The following LONP2 variants were observed in gnomAD, a reference collection of about 807,000 sequenced individuals.
LONP2 encodes lon peptidase 2, peroxisomal.
LONP2 carries 60 observed loss-of-function variants against 85.6 expected under a neutral mutation model. That is an observed-to-expected ratio of 0.70 (90% CI 0.57 to 0.87). LONP2 has a LOEUF of 0.87. LONP2 is among the 40% of genes least tolerant of loss of function. The pLI is 0.00. For synonymous variants in LONP2, 395 were observed against 389.7 expected, an observed-to-expected ratio of 1.01 and a Z score of -0.16; for missense variants, 860 against 1,063.5, an observed-to-expected ratio of 0.81 and a Z score of 2.66.
chr16:48,265,003 G>C (rs541832909), intron 6 of LONP2, among the ~76,000 whole-genome samples: 1 of 152,220 alleles, frequency 6.6e-6, no homozygotes, highest in Admixed American at 6.5e-5. Flanking sequence ...CAGGCATAAA[G>C]TGCTTTCTCA....
intron 4 of LONP2, among the ~76,000 whole-genome samples, chr16:48,260,890 A>T (rs924680190): frequency 6.6e-5 from 10 of 152,230 alleles, no homozygotes; most frequent in Non-Finnish European, 4.4e-5. Flanking sequence ...CTTCACAAGA[A>T]AGGAAGTAAA....
At chr16:48,283,234 A>G (rs1972367599) in intron 8 of LONP2, among the ~76,000 whole-genome samples, 1 of 152,254 alleles carries the variant, frequency 6.6e-6, no homozygotes, top group Non-Finnish European at 1.5e-5. Flanking sequence ...GTACTGATGT[A>G]TTGTAGAAGC....
chr16:48,318,337 G>A (rs1337099862), intron 11 of LONP2, among the ~76,000 whole-genome samples: 1 of 151,836 alleles, frequency 6.6e-6, no homozygotes, highest in Non-Finnish European at 1.5e-5. Flanking sequence ...TGGCCAACAT[G>A]GTGAAACCCC....
rs144546876 is a variant in LONP2, at chr16:48,330,211, T to G, written c.1796-4005T>G. ...GCTTCTCAGTGAAATAATAGTTTCT[T>G]TTATAGGAGTATTAACCATTTGTTA... is the stretch of plus-strand genomic sequence containing the variant. On this transcript the variant is annotated intron_variant, in intron 11 of 14. Transcript: ENST00000285737. Among the ~76,000 whole-genome samples the G allele has an allele frequency of 1.3e-3, 196 of 152,374 alleles. 1 individual carries two copies. Among genetic ancestry groups the G allele is most frequent in the African/African-American group, 4.6e-3 (191 of 41,584 alleles).
At chr16:48,272,202 C>G in intron 7 of LONP2, among the ~76,000 whole-genome samples, 1 of 152,316 alleles carries the variant, frequency 6.6e-6, no homozygotes, top group Non-Finnish European at 1.5e-5. Context: ...AATAAATTCT[C>G]AGGAGGACAA....
chr16:48,361,202 GAA>G (rs1175118957), downstream of LONP2: 1 of 204,478 alleles, frequency 4.9e-6, no homozygotes, highest in Non-Finnish European at 1.0e-5. Flanking sequence ...TCAGTTAAAG[GAA>G]AAAAACCCAA....
chr16:48,350,160 C>T (rs547550391), intron 14 of LONP2, among the ~76,000 whole-genome samples: 3 of 152,166 alleles, frequency 2.0e-5, no homozygotes, highest in East Asian at 3.9e-4. Context: ...CCAAGGTGGG[C>T]GTATCACTTG....
At chr16:48,278,911 A>G (rs1490758937) in intron 8 of LONP2, among the ~76,000 whole-genome samples, 1 of 152,010 alleles carries the variant, frequency 6.6e-6, no homozygotes, top group Non-Finnish European at 1.5e-5. Flanking sequence ...CTCTCCTATT[A>G]GTCTCCACTT....
At chr16:48,331,722 G>A (rs775429613) in intron 11 of LONP2, among the ~76,000 whole-genome samples, 26 of 152,004 alleles carry the variant, frequency 1.7e-4, no homozygotes, top group Non-Finnish European at 3.1e-4. Flanking sequence ...CCACCACCAC[G>A]CCCAGCTAAT....
At chr16:48,294,676 G>A (rs555807684) in intron 8 of LONP2, among the ~76,000 whole-genome samples, 1 of 152,304 alleles carries the variant, frequency 6.6e-6, no homozygotes, top group African/African-American at 2.4e-5. Context: ...AAAGATTGTA[G>A]TGAGCTGAGA....
At chr16:48,348,487 CTTTTTT>C (rs34729067) in intron 14 of LONP2, among the ~76,000 whole-genome samples, 197 bp downstream of exon 14, 11 of 112,806 alleles carry the variant, frequency 9.8e-5, no homozygotes, top group South Asian at 2.8e-4. Flanking sequence ...TCACATTTTC[CTTTTTT>C]TTTTTTTTTT....
chr16:48,261,541 A>G lies in LONP2; in HGVS notation c.841A>G (p.Ser281Gly), dbSNP rs1567312148. ...VMLEKKIRTSSMPEQAHKVCV... is the reference protein window; with the variant it reads ...VMLEKKIRTSGMPEQAHKVCV... ...GCTAGAGAAAAAAATACGAACATCT[A>G]GTATGCCAGAGCAGGCCCATAAAGT... Residue 281 changes from serine (S) to glycine (G), a missense_variant, in exon 5 of 15, where the codon AGT becomes GGT. Around this residue, in one of 3 missense-constraint regions of LONP2, gnomAD observed 743 missense variants for 917.3 expected, o/e 0.81. Coordinates refer to ENST00000285737, the MANE Select transcript of LONP2 (RefSeq NM_031490.5). 1.9e-6 allele frequency: 3 copies of G among 1,604,118 alleles called. No homozygotes were observed. Among genetic ancestry groups the G allele is most frequent in the Non-Finnish European group, 1.7e-6 (2 of 1,176,056 alleles).
chr16:48,317,404 G>A (rs1317227124), intron 11 of LONP2, among the ~76,000 whole-genome samples: 3 of 152,054 alleles, frequency 2.0e-5, no homozygotes, highest in Non-Finnish European at 4.4e-5. Flanking sequence ...CATCTACTCT[G>A]TCAATTCTGA....
intron 2 of LONP2, among the ~76,000 whole-genome samples, chr16:48,254,049 A>G (rs1033037423): frequency 2.0e-5 from 3 of 152,128 alleles, no homozygotes; most frequent in Non-Finnish European, 2.9e-5. Context: ...AACTTCTTCA[A>G]TAGCATCCTG....
chr16:48,253,093 A>C (rs1264683335), intron 2 of LONP2, among the ~76,000 whole-genome samples: 1 of 152,234 alleles, frequency 6.6e-6, no homozygotes, highest in Admixed American at 6.5e-5. Context: ...GTGTGGGGCA[A>C]GTGTTCATAG....
chr16:48,337,545 T>G (rs1959687050), intron 12 of LONP2, among the ~76,000 whole-genome samples: 1 of 152,156 alleles, frequency 6.6e-6, no homozygotes, highest in Non-Finnish European at 1.5e-5. Context: ...AAATGAGATT[T>G]GGTTCTAGAC....
intron 11 of LONP2, among the ~76,000 whole-genome samples, chr16:48,324,773 C>A (rs59916796): frequency 0.21 from 31,388 of 151,740 alleles, 3,954 homozygotes; most frequent in African/African-American, 0.35. Context: ...TTTATTGATA[C>A]GGAAACTGGG....
intron 11 of LONP2, among the ~76,000 whole-genome samples, chr16:48,324,144 A>G (rs1033895674): frequency 3.3e-5 from 5 of 152,208 alleles, no homozygotes; most frequent in African/African-American, 4.8e-5. Flanking sequence ...GAAGGTCCTT[A>G]GATGCATCAT....
chr16:48,265,621 G>C (rs920911327), intron 6 of LONP2, among the ~76,000 whole-genome samples: 3 of 152,106 alleles, frequency 2.0e-5, no homozygotes, highest in Non-Finnish European at 2.9e-5. Context: ...TCTGATTACT[G>C]TAGCTTCGTA....
Sources: allele counts gnomAD v4.1 joint callset (sites outside exome capture counted in the v4.1 genomes callset), GRCh38; gene constraint gnomAD v4.1.1; regional missense constraint gnomAD v4.1.1; transcripts MANE v1.5; gene names NCBI Gene and HGNC (gene_info 2026-07-23, HGNC 2026-07-21).